The following KAZN variants were observed in gnomAD, a reference collection of about 807,000 sequenced individuals.
The protein encoded by KAZN is kazrin.
Under a neutral mutation model 87.4 loss-of-function variants are expected in KAZN, and 40 were observed. That is an observed-to-expected ratio of 0.46 (90% CI 0.36 to 0.60). The LOEUF (loss-of-function observed/expected upper bound fraction) is 0.60. KAZN is among the 20% of genes least tolerant of loss of function. KAZN has a pLI of 0.00. For missense variants in KAZN, 898 were observed against 1,073.9 expected, an observed-to-expected ratio of 0.84 and a Z score of 2.29; for synonymous variants, 466 against 458.3, an observed-to-expected ratio of 1.02 and a Z score of -0.22.
chr1:14,857,915 C>T (rs916418119), intron 1 of KAZN, among the ~76,000 whole-genome samples: 1 of 152,134 alleles, frequency 6.6e-6, no homozygotes, highest in African/African-American at 2.4e-5. Flanking sequence ...GCATTTTCAT[C>T]ACCCCCAAAA....
intron 1 of KAZN, among the ~76,000 whole-genome samples, chr1:14,609,797 T>C (rs1390490415): frequency 6.6e-6 from 1 of 152,250 alleles, no homozygotes; most frequent in East Asian, 1.9e-4. Context: ...CGCAGCAATC[T>C]ATTTCTCAGC....
At chr1:14,500,818 A>G (rs1393950388) in intron 2 of KAZN, among the ~76,000 whole-genome samples, 6 of 152,276 alleles carry the variant, frequency 3.9e-5, no homozygotes, top group East Asian at 1.9e-4. Flanking sequence ...TACTATGCAC[A>G]TTGTATGTCA....
rs141397886 is a variant in KAZN, at chr1:14,961,020, C to T, written c.418+145C>T. 1,981 of 805,968 alleles carry T rather than the reference C, an allele frequency of 2.5e-3. 12 individuals are homozygous for T. The highest frequency in any genetic ancestry group is 3.0e-3 in the Non-Finnish European group (1,590 of 529,004). 49.9% of individuals were successfully genotyped at this position (805,968 alleles called of 1,614,324 possible). ...AGCTGTGGCTGCCCTGTCCCTTCTT[C>T]GAGTGGAATTCTGCATCTTGTGGGC... On this transcript the variant is annotated intron_variant, in intron 2 of 14. Transcript: ENST00000376030.
chr1:14,112,940 A>G (rs1352751340), intron 1 of KAZN, among the ~76,000 whole-genome samples: 2 of 152,232 alleles, frequency 1.3e-5, no homozygotes, highest in African/African-American at 2.4e-5. Flanking sequence ...TGCGGAAGAA[A>G]GGCAGTCTTG....
intron 1 of KAZN, among the ~76,000 whole-genome samples, chr1:14,827,019 A>G (rs1646910267): frequency 6.6e-6 from 1 of 152,164 alleles, no homozygotes; most frequent in Non-Finnish European, 1.5e-5. Flanking sequence ...AGCTGCCGTG[A>G]GGGCGGAATC....
chr1:14,866,235 C>T (rs1245676754), intron 1 of KAZN, among the ~76,000 whole-genome samples: 1 of 152,142 alleles, frequency 6.6e-6, no homozygotes, highest in East Asian at 1.9e-4. Flanking sequence ...CCAACCCCTA[C>T]TTTAGAGCGC....
Position 15,099,301 on chromosome 1 carries a change from C to T in KAZN, c.1548-2242C>T, listed in dbSNP as rs199553662. ...GTAGACTGTGCTGTTTGGCAGTGAA[C>T]GCAGTTTCTGTCCTGAATGAGCTTA... On this transcript the variant is annotated intron_variant, in intron 10 of 14. Transcript: ENST00000376030. This position sits in a 1 kb window ranked among gnomAD's most constrained non-coding sequence, Gnocchi z 5.4. Among the ~76,000 whole-genome samples, 32 of 152,270 alleles carry T rather than the reference C, an allele frequency of 2.1e-4. No homozygotes were observed. The highest frequency in any genetic ancestry group is 1.7e-3 in the East Asian group (9 of 5,176).
At chr1:14,109,468 T>G (rs1487532378) in intron 1 of KAZN, among the ~76,000 whole-genome samples, 1 of 152,176 alleles carries the variant, frequency 6.6e-6, no homozygotes, top group Non-Finnish European at 1.5e-5. Flanking sequence ...CTTTGTCTAC[T>G]CTGAGTTCCT....
In KAZN at chr1:15,059,146, A is replaced by G. The variant is rs373096198; in HGVS notation, c.917-1026A>G. ...GAGATGGAGTCTTGCTGTGTTGCCC[A>G]GGCTGGTTTCGAAGTCCTGGGCTCA... On this transcript the variant is annotated intron_variant, in intron 5 of 14. Coordinates refer to ENST00000376030, the MANE Select transcript of KAZN (RefSeq NM_201628.3). 2.4e-4 allele frequency among the ~76,000 whole-genome samples: 36 copies of G among 147,466 alleles called. No homozygotes were observed. The South Asian group carries it at 2.8e-3, about 11-fold the overall frequency.
rs568471468 is a variant in KAZN, at chr1:14,296,291, G to A, written c.249+115699G>A. Reference sequence around the variant, plus strand: ...AGGGCCTTTTCTTGCTGTTACAGACGTGACAATGTAATTATTTCAGCTCCT... The same window carrying A: ...AGGGCCTTTTCTTGCTGTTACAGACATGACAATGTAATTATTTCAGCTCCT... On this transcript the variant is annotated intron_variant, in intron 2 of 16. Coordinates refer to the KAZN transcript ENST00000636203. 5.3e-5 allele frequency among the ~76,000 whole-genome samples: 8 copies of A among 152,298 alleles called. No individual in the cohort carries two copies. In the South Asian group the frequency reaches 1.2e-3, roughly 24 times the overall value.
intron 1 of KAZN, among the ~76,000 whole-genome samples, chr1:13,972,273 TTTC>T: frequency 7.3e-6 from 1 of 136,504 alleles, no homozygotes; most frequent in African/African-American, 2.9e-5. Context: ...TCTTTTTTCT[TTTC>T]TTTTTTTTTT....
intron 1 of KAZN, among the ~76,000 whole-genome samples, chr1:14,662,944 AATATATATATATATGCACACAT>A (rs1639285838): frequency 7.0e-6 from 1 of 142,852 alleles, no homozygotes; most frequent in African/African-American, 2.6e-5. Context: ...TATATATGTA[AATATATATATATATGCACACAT>A]ATATATATAT....
chr1:14,904,589 C>T (rs549539930), intron 1 of KAZN, among the ~76,000 whole-genome samples: 11 of 152,316 alleles, frequency 7.2e-5, no homozygotes, highest in Non-Finnish European at 1.2e-4. Context: ...GGCCCGTGCG[C>T]CACATGTCAG....
At chr1:14,763,585 G>A (rs994162219) in intron 1 of KAZN, among the ~76,000 whole-genome samples, 1 of 152,192 alleles carries the variant, frequency 6.6e-6, no homozygotes, top group African/African-American at 2.4e-5. Context: ...AGTGAGCTCG[G>A]AATGATGCTT....
At chr1:14,134,990 C>CAT (rs1390589855) in intron 1 of KAZN, among the ~76,000 whole-genome samples, 12 of 88,168 alleles carry the variant, frequency 1.4e-4, no homozygotes, top group African/African-American at 6.0e-4. Flanking sequence ...CACACACACA[C>CAT]ACACACACAC....
Position 14,434,733 on chromosome 1 carries a change from A to G in KAZN, c.250-164250A>G, listed in dbSNP as rs143777609. ...AGGGTGCAGCTCAGGCATGACAGGA[A>G]CATGTGCTGGGACCCCAGCCCAGGA... On this transcript the variant is annotated intron_variant, in intron 2 of 16. Coordinates refer to the KAZN transcript ENST00000636203. Among the ~76,000 whole-genome samples, 3 of 152,048 alleles carry G rather than the reference A, an allele frequency of 2.0e-5. No individual in the cohort carries two copies. In the East Asian group the frequency reaches 5.8e-4, roughly 30 times the overall value.
intron 1 of KAZN, among the ~76,000 whole-genome samples, chr1:14,661,155 G>A (rs564529882): frequency 6.6e-6 from 1 of 152,326 alleles, no homozygotes; most frequent in African/African-American, 2.4e-5. Flanking sequence ...TTGTAGATAG[G>A]AGAACTGAGG....
chr1:14,432,460 GCAGA>G (rs1161203495), intron 2 of KAZN, among the ~76,000 whole-genome samples: 2 of 152,288 alleles, frequency 1.3e-5, no homozygotes, highest in Admixed American at 6.5e-5. Context: ...TTTCCCTTTG[GCAGA>G]CAGATATATG....
chr1:14,078,484 G>A (rs1361042429), intron 1 of KAZN, among the ~76,000 whole-genome samples: 1 of 152,300 alleles, frequency 6.6e-6, no homozygotes, highest in Non-Finnish European at 1.5e-5. Flanking sequence ...GTCCATTTGG[G>A]CTGCTCTAGC....
Sources: gnomAD v4.1 joint callset for allele counts (sites outside exome capture counted in the v4.1 genomes callset) on GRCh38, gnomAD v4.1.1 for gene constraint, Gnocchi (gnomAD v3.1) non-coding constraint, MANE v1.5 for transcripts, NCBI Gene and HGNC (gene_info 2026-07-23, HGNC 2026-07-21) for gene names.